Variants in CADM2 observed in about 807,000 individuals in gnomAD.
CADM2 encodes the protein cell adhesion molecule 2, also known as immunoglobulin superfamily member 4D.
CADM2 carries 12 observed loss-of-function variants against 49.8 expected under a neutral mutation model. The observed-to-expected ratio is 0.24, with a 90% CI of 0.15 to 0.39. CADM2 has a LOEUF of 0.39. Ranked by LOEUF, CADM2 falls within the 10% of genes least tolerant of loss-of-function variation. The probability of loss-of-function intolerance (pLI) is 1.00; values close to 1 mark genes in which losing one functional copy is unlikely to be tolerated. For synonymous variants in CADM2, 214 were observed against 175.4 expected (o/e 1.22, Z -1.74); for missense variants, 378 against 492.3 (o/e 0.77, Z 2.20).
At chr3:85,337,693 T>G (rs2045126927) in intron 1 of CADM2, among the ~76,000 whole-genome samples, 1 of 151,396 alleles carries the variant, frequency 6.6e-6, no homozygotes, top group South Asian at 2.1e-4. Flanking sequence ...TCTAAGTATT[T>G]TTGCTCTTTT....
At chr3:85,575,154 CTT>C (rs2062594353) in intron 1 of CADM2, among the ~76,000 whole-genome samples, 1 of 152,146 alleles carries the variant, frequency 6.6e-6, no homozygotes, top group South Asian at 2.1e-4. Flanking sequence ...TGAGACTACT[CTT>C]ATAATTTTCA....
At chr3:85,741,350 A>G (rs1019234731) in intron 2 of CADM2, among the ~76,000 whole-genome samples, 1 of 151,736 alleles carries the variant, frequency 6.6e-6, no homozygotes, top group Non-Finnish European at 1.5e-5. Context: ...AAAAAATACA[A>G]TGACATGTTA....
intron 1 of CADM2, among the ~76,000 whole-genome samples, chr3:85,569,034 C>T (rs1268877973): frequency 1.3e-5 from 2 of 152,136 alleles, no homozygotes; most frequent in African/African-American, 4.8e-5. Flanking sequence ...AACTGTGCTA[C>T]AATATCACAA....
chr3:85,813,426 T>G (rs188070759), intron 3 of CADM2, among the ~76,000 whole-genome samples: 2 of 152,262 alleles, frequency 1.3e-5, no homozygotes, highest in Admixed American at 1.3e-4. Flanking sequence ...TTGTTTAAGT[T>G]TTTTTAGATT....
rs550345371 is a variant in CADM2, at chr3:85,066,160, G to T, written c.61+106492G>T. ...TAGTCTGGAAAGTAAATTCAGAAGA[G>T]GGTGCCTTCATCATAATTTTGAATG... On this transcript the variant is annotated intron_variant, in intron 1 of 9. Transcript: ENST00000383699. 4.2e-4 allele frequency among the ~76,000 whole-genome samples: 64 copies of T among 152,162 alleles called. No individual in the cohort carries two copies. In the Middle Eastern group the frequency reaches 0.014, roughly 32 times the overall value.
At chr3:85,969,281 G>A (rs911895026) in intron 8 of CADM2, among the ~76,000 whole-genome samples, 6 of 151,358 alleles carry the variant, frequency 4.0e-5, no homozygotes, top group Middle Eastern at 3.4e-3. Context: ...TGCCTACATC[G>A]GTGGCATCTC....
At chr3:85,031,692 ATTTT>A (rs896621013) in intron 1 of CADM2, among the ~76,000 whole-genome samples, 27 of 148,370 alleles carry the variant, frequency 1.8e-4, no homozygotes, top group African/African-American at 5.5e-4. Context: ...TTTTTTGTGT[ATTTT>A]TTTTTAGTAG....
chr3:85,531,087 A>G (rs1347547309), intron 1 of CADM2, among the ~76,000 whole-genome samples: 2 of 152,128 alleles, frequency 1.3e-5, no homozygotes, highest in African/African-American at 4.8e-5. Context: ...ACGACTTAGC[A>G]TTGGTTTTTA....
chr3:85,275,675 TTC>T (rs2043340815), intron 1 of CADM2, among the ~76,000 whole-genome samples: 1 of 151,314 alleles, frequency 6.6e-6, no homozygotes, highest in African/African-American at 2.4e-5. Context: ...TTACAAAATG[TTC>T]TCTTTTAATA....
At chr3:85,531,108 C>A (rs936916650) in intron 1 of CADM2, among the ~76,000 whole-genome samples, 1 of 152,066 alleles carries the variant, frequency 6.6e-6, no homozygotes, top group African/African-American at 2.4e-5. Flanking sequence ...CCTGTGAACC[C>A]GATTCACTGA....
At chr3:85,495,857 C>T (rs981327630) in intron 1 of CADM2, among the ~76,000 whole-genome samples, 6 of 152,042 alleles carry the variant, frequency 3.9e-5, no homozygotes, top group African/African-American at 1.2e-4. Context: ...AGGGATCCAT[C>T]CTCATGACAA....
At chr3:85,928,720 G>T (rs890959864) in intron 6 of CADM2, among the ~76,000 whole-genome samples, 1 of 152,122 alleles carries the variant, frequency 6.6e-6, no homozygotes, top group Non-Finnish European at 1.5e-5. Flanking sequence ...ATTTGTTAAT[G>T]ATTGAATATA....
intron 1 of CADM2, among the ~76,000 whole-genome samples, chr3:84,992,903 C>G (rs17734437): frequency 6.6e-6 from 1 of 151,956 alleles, no homozygotes; most frequent in African/African-American, 2.4e-5. Context: ...GACGAGCAGC[C>G]TTTTCAAGTA....
intron 1 of CADM2, among the ~76,000 whole-genome samples, chr3:85,039,668 T>C (rs1428629178): frequency 6.6e-6 from 1 of 152,200 alleles, no homozygotes; most frequent in Non-Finnish European, 1.5e-5. Context: ...TGAAAGAAAA[T>C]TACAAAGGCA....
intron 1 of CADM2, among the ~76,000 whole-genome samples, chr3:85,381,442 GA>G (rs1211002662): frequency 6.9e-6 from 1 of 145,802 alleles, no homozygotes; most frequent in Admixed American, 6.9e-5. Flanking sequence ...TATATATAAA[GA>G]AAATATATAT....
intron 1 of CADM2, among the ~76,000 whole-genome samples, chr3:85,015,869 G>A (rs1288687854): frequency 6.6e-6 from 1 of 152,100 alleles, no homozygotes; most frequent in Non-Finnish European, 1.5e-5. Flanking sequence ...GCAGGAATGC[G>A]AAGGCCTGGA....
At chr3:85,310,415 A>G (rs2044314344) in intron 1 of CADM2, among the ~76,000 whole-genome samples, 1 of 152,134 alleles carries the variant, frequency 6.6e-6, no homozygotes, top group Non-Finnish European at 1.5e-5. Context: ...AGAAGATCTT[A>G]TGAGGGGCAG....
intron 1 of CADM2, among the ~76,000 whole-genome samples, chr3:85,614,756 G>T (rs2063758513): frequency 6.6e-6 from 1 of 151,816 alleles, no homozygotes; most frequent in Admixed American, 6.6e-5. Flanking sequence ...AGACAGTGTT[G>T]ACTCTATGAG....
At chr3:85,968,998 C>T (rs1442886297) in intron 8 of CADM2, among the ~76,000 whole-genome samples, 1 of 151,574 alleles carries the variant, frequency 6.6e-6, no homozygotes, top group Non-Finnish European at 1.5e-5. Flanking sequence ...CTCTCCAATT[C>T]ATCACGAAGT....
Sources: allele counts gnomAD v4.1 joint callset (sites outside exome capture counted in the v4.1 genomes callset), GRCh38; gene constraint gnomAD v4.1.1; transcripts MANE v1.5; gene names NCBI Gene and HGNC (gene_info 2026-07-23, HGNC 2026-07-21).